The following FSTL5 variants were observed in gnomAD, a reference collection of about 807,000 sequenced individuals.
The protein encoded by FSTL5 is follistatin-related protein 5.
FSTL5 carries 62 observed loss-of-function variants against 89.1 expected under a neutral mutation model. The ratio of observed to expected loss-of-function variants is 0.70; its 90% CI spans 0.57 to 0.86. The LOEUF is 0.86. Ranked by LOEUF, FSTL5 falls within the 40% of genes least tolerant of loss-of-function variation. The pLI, the probability that FSTL5 is intolerant of heterozygous loss-of-function variation, is 0.00. For synonymous variants in FSTL5, 383 were observed against 346.2 expected, an observed-to-expected ratio of 1.11 and a Z score of -1.18; for missense variants, 1,057 against 1,001.6, an observed-to-expected ratio of 1.06 and a Z score of -0.75.
intron 6 of FSTL5, among the ~76,000 whole-genome samples, chr4:161,683,632 A>C (rs1737602024): frequency 6.6e-6 from 1 of 152,166 alleles, no homozygotes; most frequent in Non-Finnish European, 1.5e-5. Flanking sequence ...ATTATATGAA[A>C]ATTTTGCTAA....
chr4:162,052,819 AAAC>A (rs1738425501), intron 2 of FSTL5, among the ~76,000 whole-genome samples: 1 of 151,886 alleles, frequency 6.6e-6, no homozygotes, highest in Non-Finnish European at 1.5e-5. Flanking sequence ...GTTTTCAAGT[AAAC>A]AACACATTGT....
At chr4:162,081,693 CAA>C (rs990604477) in intron 2 of FSTL5, among the ~76,000 whole-genome samples, 2 of 151,374 alleles carry the variant, frequency 1.3e-5, no homozygotes, top group African/African-American at 4.8e-5. Context: ...ATTTGGCAAA[CAA>C]GAGCTCATCT....
intron 13 of FSTL5, among the ~76,000 whole-genome samples, chr4:161,471,399 A>G (rs1447906824): frequency 6.6e-6 from 1 of 152,234 alleles, no homozygotes; most frequent in Non-Finnish European, 1.5e-5. Context: ...TTCCAGGAAT[A>G]AATCCTACTT....
intron 4 of FSTL5, among the ~76,000 whole-genome samples, chr4:161,853,728 AT>A (rs1731633623): frequency 6.6e-6 from 1 of 152,116 alleles, no homozygotes; most frequent in African/African-American, 2.4e-5. Context: ...TTGGGTAGGT[AT>A]TTACTCCTCT....
At chr4:161,630,057 A>G (rs1735451416) in intron 7 of FSTL5, among the ~76,000 whole-genome samples, 1 of 152,178 alleles carries the variant, frequency 6.6e-6, no homozygotes, top group Admixed American at 6.5e-5. Context: ...AGGGAGAACT[A>G]GGAGACACTT....
chr4:161,424,723 G>T (rs1732112753), intron 15 of FSTL5, among the ~76,000 whole-genome samples: 2 of 152,086 alleles, frequency 1.3e-5, no homozygotes, highest in Non-Finnish European at 2.9e-5. Context: ...CCATTATTTT[G>T]GACTGAGCTC....
At chr4:161,829,672 A>T (rs957438971) in intron 4 of FSTL5, among the ~76,000 whole-genome samples, 4 of 152,134 alleles carry the variant, frequency 2.6e-5, no homozygotes, top group African/African-American at 9.6e-5. Context: ...GGACCCTAAC[A>T]GCAGGTGATT....
intron 3 of FSTL5, among the ~76,000 whole-genome samples, chr4:162,013,638 GTT>G (rs1254849381): frequency 6.6e-6 from 1 of 152,052 alleles, no homozygotes; most frequent in East Asian, 1.9e-4. Flanking sequence ...GATGACTTAG[GTT>G]TTACAGGTTG....
chr4:161,547,300 A>G (rs1732040380), intron 8 of FSTL5, among the ~76,000 whole-genome samples: 1 of 152,040 alleles, frequency 6.6e-6, no homozygotes, highest in Non-Finnish European at 1.5e-5. Context: ...TTCTCAAATT[A>G]TTTGATTATT....
chr4:161,712,562 A>T (rs1219170066), intron 6 of FSTL5, among the ~76,000 whole-genome samples: 1 of 152,162 alleles, frequency 6.6e-6, no homozygotes, highest in Non-Finnish European at 1.5e-5. Context: ...TGATATTTAA[A>T]CACTTGGAAA....
intron 6 of FSTL5, among the ~76,000 whole-genome samples, chr4:161,686,320 ATATATATATATATATATATATATATATT>A (rs1560789442): frequency 1.8e-3 from 7 of 3,924 alleles, no homozygotes; most frequent in African/African-American, 6.1e-3. Context: ...ATATATATAT[ATATATATATATATATATATATATATATT>A]TTTTTTTTTT....
intron 6 of FSTL5, among the ~76,000 whole-genome samples, chr4:161,752,047 T>A (rs1202719120): frequency 2.6e-5 from 4 of 152,302 alleles, no homozygotes; most frequent in Admixed American, 6.5e-5. Context: ...CAGAGATAAT[T>A]CATGAGCTCT....
chr4:161,897,079 T>C (rs1392493384), intron 4 of FSTL5, among the ~76,000 whole-genome samples: 2 of 151,766 alleles, frequency 1.3e-5, no homozygotes, highest in Admixed American at 6.6e-5. Context: ...GTTGAGGTTA[T>C]AGGTACCCGC....
intron 6 of FSTL5, among the ~76,000 whole-genome samples, chr4:161,681,853 G>A (rs1180580359): frequency 6.6e-6 from 1 of 152,100 alleles, no homozygotes; most frequent in Non-Finnish European, 1.5e-5. Context: ...GTTATGTTTA[G>A]TCATGTATCA....
chr4:162,101,815 C>G (rs897227365), intron 2 of FSTL5, among the ~76,000 whole-genome samples: 1 of 152,094 alleles, frequency 6.6e-6, no homozygotes, highest in Non-Finnish European at 1.5e-5. Context: ...TAATTGAAGT[C>G]ACAATGGAAT....
intron 7 of FSTL5, among the ~76,000 whole-genome samples, chr4:161,594,271 A>G (rs1450123563): frequency 1.3e-5 from 2 of 152,254 alleles, no homozygotes; most frequent in African/African-American, 4.8e-5. Context: ...AAAATTCTGA[A>G]TATATGTGAA....
intron 2 of FSTL5, among the ~76,000 whole-genome samples, chr4:162,096,937 A>G (rs1312693452): frequency 6.6e-6 from 1 of 151,960 alleles, no homozygotes; most frequent in Non-Finnish European, 1.5e-5. Flanking sequence ...AGAACTCAGT[A>G]GGATTGATTA....
chr4:161,853,493 C>T (rs952037372), intron 4 of FSTL5, among the ~76,000 whole-genome samples: 1 of 151,670 alleles, frequency 6.6e-6, no homozygotes, highest in Admixed American at 6.6e-5. Context: ...GTCTCAAACT[C>T]CTGACCTCAG....
At chr4:161,712,900 T>A (rs9998543) in intron 6 of FSTL5, among the ~76,000 whole-genome samples, 1 of 151,950 alleles carries the variant, frequency 6.6e-6, no homozygotes, top group African/African-American at 2.4e-5. Context: ...CCTTCCACCA[T>A]GATTGTAAGC....
Sources: allele counts gnomAD v4.1 joint callset (sites outside exome capture counted in the v4.1 genomes callset), GRCh38; gene constraint gnomAD v4.1.1; transcripts MANE v1.5; gene names NCBI Gene and HGNC (gene_info 2026-07-23, HGNC 2026-07-21).